Variants in NPSR1 observed in about 807,000 individuals in gnomAD.
NPSR1 encodes the protein neuropeptide S receptor 1.
Under a neutral mutation model 46.9 loss-of-function variants are expected in NPSR1, and 48 were observed. That is an observed-to-expected ratio of 1.02 (90% CI 0.81 to 1.30). The LOEUF is 1.30. Among genes scored for constraint, NPSR1 ranks in the 50% most tolerant of loss-of-function variants. The pLI is 0.00. For missense variants in NPSR1, 450 were observed against 449.5 expected (o/e 1.00, Z -0.01); for synonymous variants, 176 against 168.1 (o/e 1.05, Z -0.36).
chr7:34,845,968 A>G (rs1790729701), intron 7 of NPSR1, among the ~76,000 whole-genome samples: 1 of 152,240 alleles, frequency 6.6e-6, no homozygotes. Flanking sequence ...TCAAAGCACC[A>G]GAACAGTCTT....
intron 5 of NPSR1, among the ~76,000 whole-genome samples, chr7:34,831,511 G>A (rs1404818677): frequency 6.6e-6 from 1 of 151,890 alleles, no homozygotes; most frequent in Non-Finnish European, 1.5e-5. Flanking sequence ...AGAGAGAGAG[G>A]CAGTTGTATT....
At chr7:34,757,804 C>T (rs542726341) in intron 2 of NPSR1, among the ~76,000 whole-genome samples, 1 of 152,346 alleles carries the variant, frequency 6.6e-6, no homozygotes, top group African/African-American at 2.4e-5. Context: ...TCCGATGCCT[C>T]CTCTGAGCTT....
At chr7:34,747,329 G>C (rs1785257491) in intron 2 of NPSR1, among the ~76,000 whole-genome samples, 1 of 152,104 alleles carries the variant, frequency 6.6e-6, no homozygotes, top group Non-Finnish European at 1.5e-5. Flanking sequence ...TCTGCATATT[G>C]AAAGTGAGAA....
At chr7:34,750,758 A>G (rs1583943188) in intron 2 of NPSR1, 1 of 694,154 alleles carries the variant, frequency 1.4e-6, no homozygotes, top group East Asian at 3.1e-5. Context: ...TGTGAGGGGC[A>G]GCTGTGACAC....
chr7:34,727,660 C>T (rs983719343), intron 2 of NPSR1, among the ~76,000 whole-genome samples: 4 of 152,214 alleles, frequency 2.6e-5, no homozygotes, highest in Admixed American at 6.5e-5. Context: ...GAACAGATGA[C>T]TGAATCCATG....
At chr7:34,710,199 A>G (rs185256315) in intron 2 of NPSR1, among the ~76,000 whole-genome samples, 153 of 152,308 alleles carry the variant, frequency 1.0e-3, no homozygotes, top group Non-Finnish European at 1.6e-3. Flanking sequence ...AATATATTAG[A>G]AAGGCCACCT....
chr7:34,802,804 T>C (rs1224523999), intron 3 of NPSR1, among the ~76,000 whole-genome samples: 1 of 150,424 alleles, frequency 6.6e-6, no homozygotes, highest in Admixed American at 6.6e-5. Context: ...AGACAATTTT[T>C]GCAACCTACT....
At chr7:34,787,834 A>G (rs1008874352) in intron 3 of NPSR1, among the ~76,000 whole-genome samples, 3 of 152,128 alleles carry the variant, frequency 2.0e-5, no homozygotes, top group African/African-American at 7.2e-5. Flanking sequence ...CAGCACCACA[A>G]AACAATTACA....
chr7:34,809,209 C>T (rs989127208), intron 3 of NPSR1, among the ~76,000 whole-genome samples: 1 of 152,068 alleles, frequency 6.6e-6, no homozygotes, highest in African/African-American at 2.4e-5. Context: ...CAGGTAGAAA[C>T]CCCAGTTTTG....
In NPSR1 at chr7:34,778,456, T is replaced by C. The variant is rs1787078510; in HGVS notation, c.281-6T>C. 2 of 1,549,018 alleles carry C rather than the reference T, an allele frequency of 1.3e-6. No individual in the cohort carries two copies. Among genetic ancestry groups the C allele is most frequent in the African/African-American group, 1.4e-5 (1 of 73,046 alleles). On this transcript the variant is annotated splice_region_variant and splice_polypyrimidine_tract_variant and intron_variant, in intron 2 of 8. Coordinates refer to ENST00000360581, the MANE Select transcript of NPSR1 (RefSeq NM_207172.2). ...CTGAATGTAAGCACTTGTACGTTTTTGTTAGATTCTTTCACAGGACTGGTC... is the reference window on the plus strand; with the variant it reads ...CTGAATGTAAGCACTTGTACGTTTTCGTTAGATTCTTTCACAGGACTGGTC...
chr7:34,763,128 T>C (rs1309974302), intron 2 of NPSR1, among the ~76,000 whole-genome samples: 1 of 152,164 alleles, frequency 6.6e-6, no homozygotes, highest in Non-Finnish European at 1.5e-5. Flanking sequence ...TGAAAAAAGA[T>C]AAAACTATAA....
chr7:34,804,756 A>C (rs1247978314), intron 3 of NPSR1, among the ~76,000 whole-genome samples: 3 of 151,964 alleles, frequency 2.0e-5, no homozygotes, highest in African/African-American at 7.2e-5. Flanking sequence ...TAAATTTGTA[A>C]TTTTCTATAT....
At chr7:34,791,692 T>TA (rs1233052810) in intron 3 of NPSR1, among the ~76,000 whole-genome samples, 5 of 151,760 alleles carry the variant, frequency 3.3e-5, no homozygotes, top group African/African-American at 7.2e-5. Context: ...TTACAGAAAT[T>TA]AAAAAAAATC....
chr7:34,750,334 A>T (rs907214115), intron 2 of NPSR1: 7 of 714,208 alleles, frequency 9.8e-6, no homozygotes, highest in African/African-American at 3.5e-5. Flanking sequence ...AGGCTAAAAA[A>T]TCTTCCTCAC....
At chr7:34,856,054 T>C (rs985887359) in intron 8 of NPSR1, among the ~76,000 whole-genome samples, 25 of 152,294 alleles carry the variant, frequency 1.6e-4, no homozygotes, top group African/African-American at 5.5e-4. Flanking sequence ...CTATACTTAA[T>C]GGTGAAGCTT....
chr7:34,705,082 A>T (rs924170662), intron 2 of NPSR1, among the ~76,000 whole-genome samples: 11 of 152,042 alleles, frequency 7.2e-5, no homozygotes, highest in African/African-American at 2.4e-4. Context: ...TTATATACAT[A>T]TTTTTTGCCT....
chr7:34,830,837 G>A (rs1049698314), intron 5 of NPSR1, among the ~76,000 whole-genome samples: 7 of 151,950 alleles, frequency 4.6e-5, no homozygotes, highest in Non-Finnish European at 8.8e-5. Context: ...TTCCCTGGCT[G>A]CTTCATGGTG....
rs1789882690 is a variant in NPSR1 at position 34,826,904 on chromosome 7, A to G, written c.479-497A>G. Among the ~76,000 whole-genome samples, 3 of 149,868 alleles carry G rather than the reference A, an allele frequency of 2.0e-5. No homozygotes were observed. The South Asian group carries it at 6.4e-4, about 32-fold the overall frequency. On this transcript the variant is annotated intron_variant, in intron 4 of 8. Coordinates refer to ENST00000360581, the MANE Select transcript of NPSR1 (RefSeq NM_207172.2). The stretch of plus-strand genomic sequence containing the variant: ...GTTCCTACCAAAAAAAAAAAAAAAG[A>G]AAGAAGTTTCCTTCCCATTTGGCAA...
chr7:34,663,446 C>A (rs1255009306), intron 1 of NPSR1, among the ~76,000 whole-genome samples: 1 of 152,176 alleles, frequency 6.6e-6, no homozygotes. Flanking sequence ...ACATAGCCAC[C>A]TACGCTATAC....
Sources: gnomAD v4.1 joint callset for allele counts (sites outside exome capture counted in the v4.1 genomes callset) on GRCh38, gnomAD v4.1.1 for gene constraint, MANE v1.5 for transcripts, NCBI Gene and HGNC (gene_info 2026-07-23, HGNC 2026-07-21) for gene names.